Variants in CPA6 observed in about 807,000 individuals in gnomAD.
CPA6 encodes the protein carboxypeptidase A6.
CPA6 carries 58 observed loss-of-function variants against 63.3 expected under a neutral mutation model. The observed-to-expected ratio is 0.92, with a 90% CI of 0.74 to 1.14. The LOEUF (loss-of-function observed/expected upper bound fraction) is 1.14, where lower values mean the gene tolerates loss of function less well. Among genes scored for constraint, CPA6 ranks in the 50% most tolerant of loss-of-function variants. CPA6 has a pLI of 0.00. For synonymous variants in CPA6, 185 were observed against 179.0 expected (o/e 1.03, Z -0.27); for missense variants, 565 against 526.6 (o/e 1.07, Z -0.71).
chr8:67,440,753 T>C (rs1810275426), intron 8 of CPA6, among the ~76,000 whole-genome samples: 1 of 152,062 alleles, frequency 6.6e-6, no homozygotes, highest in African/African-American at 2.4e-5. Flanking sequence ...AGATGATAAA[T>C]ATTTGTGTAT....
chr8:67,658,650 A>C (rs1816043232), intron 1 of CPA6, among the ~76,000 whole-genome samples: 1 of 152,162 alleles, frequency 6.6e-6, no homozygotes, highest in South Asian at 2.1e-4. Flanking sequence ...CTAACTGCTC[A>C]TCTCTTCCTG....
chr8:67,592,725 G>T (rs1470931447), intron 2 of CPA6, among the ~76,000 whole-genome samples: 1 of 152,122 alleles, frequency 6.6e-6, no homozygotes, highest in Admixed American at 6.5e-5. Flanking sequence ...AGTGGGATTG[G>T]TGATGATATC....
intron 1 of CPA6, among the ~76,000 whole-genome samples, chr8:67,708,379 C>A (rs1004386019): frequency 6.6e-6 from 1 of 152,074 alleles, no homozygotes; most frequent in Admixed American, 6.6e-5. Flanking sequence ...AATTGTATAC[C>A]TTTTATTAGA....
At chr8:67,723,374 C>T (rs989221800) in intron 1 of CPA6, among the ~76,000 whole-genome samples, 1 of 152,176 alleles carries the variant, frequency 6.6e-6, no homozygotes, top group Non-Finnish European at 1.5e-5. Flanking sequence ...ACCATGTTGC[C>T]TAGACTTGTC....
At chr8:67,661,341 A>AGT (rs1467835899) in intron 1 of CPA6, among the ~76,000 whole-genome samples, 1 of 152,086 alleles carries the variant, frequency 6.6e-6, no homozygotes, top group African/African-American at 2.4e-5. Flanking sequence ...AGGGTGGTAG[A>AGT]GTGGTACAGA....
intron 2 of CPA6, among the ~76,000 whole-genome samples, chr8:67,612,256 C>T (rs1814827420): frequency 6.6e-6 from 1 of 152,172 alleles, no homozygotes; most frequent in Non-Finnish European, 1.5e-5. Context: ...CTGTTCTCTC[C>T]TTGTCTGAAA....
At chr8:67,498,603 A>C (rs1334554549) in intron 6 of CPA6, among the ~76,000 whole-genome samples, 1 of 151,348 alleles carries the variant, frequency 6.6e-6, no homozygotes, top group Non-Finnish European at 1.5e-5. Flanking sequence ...CTCCTTTTTA[A>C]TTTTGTGATG....
At chr8:67,505,735 G>T (rs539266165) in intron 6 of CPA6, among the ~76,000 whole-genome samples, 1 of 152,230 alleles carries the variant, frequency 6.6e-6, no homozygotes, top group African/African-American at 2.4e-5. Context: ...TGTGGTTTTG[G>T]TAGTGGCAGA....
At chr8:67,510,083 G>A (rs1003298715) in intron 4 of CPA6, among the ~76,000 whole-genome samples, 3 of 152,050 alleles carry the variant, frequency 2.0e-5, no homozygotes, top group African/African-American at 7.2e-5. Flanking sequence ...TAAGAAAAAG[G>A]CATTATCTTT....
chr8:67,742,605 C>T (rs898965024), intron 1 of CPA6, among the ~76,000 whole-genome samples: 9 of 152,102 alleles, frequency 5.9e-5, no homozygotes, highest in African/African-American at 1.9e-4. Flanking sequence ...ATTTTACTAT[C>T]CTGTTAAGTT....
At chr8:67,488,959 G>A (rs898734577) in intron 6 of CPA6, among the ~76,000 whole-genome samples, 2 of 152,154 alleles carry the variant, frequency 1.3e-5, no homozygotes, top group Non-Finnish European at 2.9e-5. Context: ...GGGCTGAGAC[G>A]ATGGGGTTTT....
intron 8 of CPA6, among the ~76,000 whole-genome samples, chr8:67,470,889 T>TATA (rs1163420164): frequency 1.3e-5 from 2 of 152,216 alleles, no homozygotes; most frequent in Admixed American, 1.3e-4. Flanking sequence ...AATGGGAAGG[T>TATA]ATAATTAGAA....
chr8:67,589,819 T>G (rs1309136354), intron 2 of CPA6, among the ~76,000 whole-genome samples: 1 of 151,962 alleles, frequency 6.6e-6, no homozygotes, highest in Non-Finnish European at 1.5e-5. Flanking sequence ...AAGAAGATGA[T>G]TCTCCTGATT....
At chr8:67,425,848 A>C (rs1429454098) in intron 10 of CPA6, among the ~76,000 whole-genome samples, 1 of 152,004 alleles carries the variant, frequency 6.6e-6, no homozygotes, top group Non-Finnish European at 1.5e-5. Context: ...ATATGTGCCA[A>C]CAGTTACATC....
chr8:67,502,639 C>G (rs1011568566), intron 6 of CPA6, among the ~76,000 whole-genome samples: 1 of 152,206 alleles, frequency 6.6e-6, no homozygotes, highest in South Asian at 2.1e-4. Flanking sequence ...CCTCTCAGCA[C>G]TGCTTTAGCT....
At chr8:67,695,404 A>G (rs141852756) in intron 1 of CPA6, among the ~76,000 whole-genome samples, 3 of 152,320 alleles carry the variant, frequency 2.0e-5, no homozygotes, top group Admixed American at 1.3e-4. Context: ...CAAGTTGATT[A>G]TACTGGACCT....
intron 2 of CPA6, among the ~76,000 whole-genome samples, chr8:67,613,072 TAAG>T (rs1269324843): frequency 6.6e-6 from 1 of 152,228 alleles, no homozygotes; most frequent in Non-Finnish European, 1.5e-5. Flanking sequence ...GATAGTTCTC[TAAG>T]AAGTTTATCA....
intron 8 of CPA6, among the ~76,000 whole-genome samples, chr8:67,477,791 T>C (rs1811275314): frequency 2.6e-5 from 4 of 152,248 alleles, no homozygotes. Context: ...GCATTCTTGC[T>C]GTGAGTTCCA....
At chr8:67,690,910 C>T (rs1350800634) in intron 1 of CPA6, among the ~76,000 whole-genome samples, 1 of 152,160 alleles carries the variant, frequency 6.6e-6, no homozygotes, top group Non-Finnish European at 1.5e-5. Flanking sequence ...ACCAAGTTAG[C>T]ATGGTACAAA....
Sources: allele counts gnomAD v4.1 joint callset (sites outside exome capture counted in the v4.1 genomes callset), GRCh38; gene constraint gnomAD v4.1.1; transcripts MANE v1.5; gene names NCBI Gene and HGNC (gene_info 2026-07-23, HGNC 2026-07-21).